The following FBXL13 variants were observed in gnomAD, a reference collection of about 807,000 sequenced individuals.
The protein encoded by FBXL13 is F-box and leucine-rich repeat protein 13.
Under a neutral mutation model 83.6 loss-of-function variants are expected in FBXL13, and 67 were observed. That is an observed-to-expected ratio of 0.80 (90% CI 0.66 to 0.98). The LOEUF is 0.98. Among genes scored for constraint, FBXL13 ranks in the 50% least tolerant of loss-of-function variants. FBXL13 has a pLI of 0.00. For synonymous variants in FBXL13, 272 were observed against 299.5 expected (o/e 0.91, Z 0.95); for missense variants, 822 against 866.5 (o/e 0.95, Z 0.64).
chr7:102,960,571 T>G (rs935717759), intron 8 of FBXL13, among the ~76,000 whole-genome samples: 15 of 151,802 alleles, frequency 9.9e-5, no homozygotes, highest in Non-Finnish European at 1.5e-5. Context: ...TGAACATTGA[T>G]GCAAAAATCC....
At position 102,957,803 on chromosome 7, in the gene FBXL13, C is replaced by G. The variant is rs990708965; in HGVS notation, c.724+5730G>C. On this transcript the variant is annotated intron_variant, in intron 8 of 19. Coordinates refer to ENST00000313221, the Ensembl canonical transcript of FBXL13. Reference sequence around the variant, plus strand: ...TGAAAAAAAGCTCATCATCACTGGTCATCAGAGAAATGCAAATCAAAACCA... The same window carrying G: ...TGAAAAAAAGCTCATCATCACTGGTGATCAGAGAAATGCAAATCAAAACCA... Among the ~76,000 whole-genome samples, 3 of 152,128 alleles carry G rather than the reference C, an allele frequency of 2.0e-5. 1 individual carries two copies. The highest frequency in any genetic ancestry group is 6.3e-3 in the Middle Eastern group (2 of 316).
intron 11 of FBXL13, among the ~76,000 whole-genome samples, chr7:102,900,907 G>A (rs1294100245): frequency 6.6e-6 from 1 of 152,218 alleles, no homozygotes; most frequent in Non-Finnish European, 1.5e-5. Context: ...ATTGTGTTTT[G>A]AGGCTTACAA....
chr7:103,074,796 C>A (rs1483212637), upstream of FBXL13: 1 of 1,281,912 alleles, frequency 7.8e-7, no homozygotes, highest in African/African-American at 1.5e-5. Flanking sequence ...GGAGAAGCTG[C>A]GATAGTACCC....
intron 2 of FBXL13, among the ~76,000 whole-genome samples, chr7:103,036,082 G>C (rs1795038926): frequency 6.6e-6 from 1 of 152,166 alleles, no homozygotes; most frequent in Admixed American, 6.5e-5. Flanking sequence ...ACCCCACTGT[G>C]AACTGTGCAT....
chr7:102,980,721 G>C (rs1037686641), intron 6 of FBXL13, among the ~76,000 whole-genome samples: 1 of 151,908 alleles, frequency 6.6e-6, no homozygotes, highest in Non-Finnish European at 1.5e-5. Flanking sequence ...AGCTTGCAGT[G>C]AGCTGAGATC....
chr7:102,942,720 A>C (rs1355046432), intron 8 of FBXL13, among the ~76,000 whole-genome samples: 1 of 152,156 alleles, frequency 6.6e-6, no homozygotes, highest in African/African-American at 2.4e-5. Flanking sequence ...TTGGTACCAA[A>C]ATAGAAAGTT....
At chr7:102,897,706 G>C (rs1812427756) in intron 11 of FBXL13, among the ~76,000 whole-genome samples, 1 of 152,086 alleles carries the variant, frequency 6.6e-6, no homozygotes, top group South Asian at 2.1e-4. Flanking sequence ...TATTGCAGAG[G>C]AAACACAGTA....
At chr7:102,818,600 T>C (rs1230490595) in intron 19 of FBXL13, among the ~76,000 whole-genome samples, 1 of 152,144 alleles carries the variant, frequency 6.6e-6, no homozygotes, top group African/African-American at 2.4e-5. Flanking sequence ...TCTCCTAGAA[T>C]GCCTGAGCAG....
rs1261002079 is a variant in FBXL13, at chr7:102,902,430, C to T, written c.1008+10656G>A. 3.9e-5 allele frequency among the ~76,000 whole-genome samples: 6 copies of T among 152,018 alleles called. No individual in the cohort carries two copies. In the East Asian group the frequency reaches 5.8e-4, roughly 15 times the overall value. The stretch of plus-strand genomic sequence containing the variant: ...TATCCTTTGCTGTGCAGAAGCTTTT[C>T]GACTTCATGTGATCTCATTTGTCCA... On this transcript the variant is annotated intron_variant, in intron 11 of 19. Transcript: ENST00000313221.
At chr7:102,852,285 T>G (rs1265454696) in intron 17 of FBXL13, among the ~76,000 whole-genome samples, 1 of 152,150 alleles carries the variant, frequency 6.6e-6, no homozygotes, top group African/African-American at 2.4e-5. Context: ...TTGTTACATT[T>G]CCAATCCATT....
At chr7:102,847,003 T>C (rs1049007616) in intron 17 of FBXL13, among the ~76,000 whole-genome samples, 1 of 152,214 alleles carries the variant, frequency 6.6e-6, no homozygotes, top group African/African-American at 2.4e-5. Flanking sequence ...AAGAATAATA[T>C]TTCATGATTA....
In FBXL13 at chr7:102,912,679, C is replaced by G. The variant is rs568427814; in HGVS notation, c.1008+407G>C. Among the ~76,000 whole-genome samples the G allele has an allele frequency of 5.1e-4, 71 of 138,682 alleles. 3 individuals are homozygous for G. Among genetic ancestry groups the G allele is most frequent in the African/African-American group, 1.8e-3 (67 of 37,850 alleles). 91.0% of individuals were successfully genotyped at this position (138,682 alleles called of 152,430 possible). A position where few individuals can be genotyped will look rare whatever the true frequency, so the allele number is the denominator to read the frequency against. ...ATCACTTATAGCATTTTACCCCCCC[C>G]CCCCCAAAAAAAAACCCATGTGGGA... On this transcript the variant is annotated intron_variant, in intron 11 of 19. Transcript: ENST00000313221.
intron 19 of FBXL13, among the ~76,000 whole-genome samples, chr7:102,814,793 A>T (rs541475279): frequency 6.6e-6 from 1 of 152,380 alleles, no homozygotes; most frequent in South Asian, 2.1e-4. Context: ...ATTGTCAAAG[A>T]TAATGTTTTG....
At chr7:102,958,605 A>C (rs1367981376) in intron 8 of FBXL13, among the ~76,000 whole-genome samples, 2 of 151,640 alleles carry the variant, frequency 1.3e-5, no homozygotes, top group Non-Finnish European at 2.9e-5. Flanking sequence ...GGTGGCTAAC[A>C]CTTTAAGGTT....
chr7:102,946,705 C>T (rs1034542429), intron 8 of FBXL13, among the ~76,000 whole-genome samples: 3 of 149,692 alleles, frequency 2.0e-5, no homozygotes, highest in Non-Finnish European at 4.4e-5. Context: ...GAGACAGTCT[C>T]GCTCTGTCAT....
intron 1 of FBXL13, among the ~76,000 whole-genome samples, chr7:103,070,070 C>A: frequency 7.3e-6 from 1 of 137,230 alleles, no homozygotes; most frequent in Admixed American, 7.4e-5. Flanking sequence ...CAGTGCAAGA[C>A]TCTGTCTCAA....
At chr7:102,831,678 G>C (rs1359810112) in intron 18 of FBXL13, among the ~76,000 whole-genome samples, 3 of 152,248 alleles carry the variant, frequency 2.0e-5, no homozygotes, top group Non-Finnish European at 2.9e-5. Context: ...CTTGAAGATT[G>C]TGGTGTAAAT....
chr7:102,924,937 C>T (rs1421153137), intron 10 of FBXL13, among the ~76,000 whole-genome samples: 2 of 152,018 alleles, frequency 1.3e-5, no homozygotes, highest in East Asian at 3.9e-4. Flanking sequence ...CCTGTGTAAG[C>T]TTTTCTAAAT....
intron 16 of FBXL13, among the ~76,000 whole-genome samples, chr7:102,866,521 A>G (rs967133138): frequency 6.6e-6 from 1 of 152,108 alleles, no homozygotes; most frequent in African/African-American, 2.4e-5. Context: ...CGGCAAATCC[A>G]TTTGTCTCTG....
Sources: gnomAD v4.1 joint callset for allele counts (sites outside exome capture counted in the v4.1 genomes callset) on GRCh38, gnomAD v4.1.1 for gene constraint, MANE v1.5 for transcripts, NCBI Gene and HGNC (gene_info 2026-07-23, HGNC 2026-07-21) for gene names.